The following JAM2 variants were observed in gnomAD, a reference collection of about 807,000 sequenced individuals.
The protein encoded by JAM2 is junctional adhesion molecule 2.
Under a neutral mutation model 42.0 loss-of-function variants are expected in JAM2, and 17 were observed. The observed-to-expected ratio is 0.40, with a 90% CI of 0.28 to 0.61. The LOEUF is 0.61. JAM2 is among the 20% of genes least tolerant of loss of function. The pLI is 0.37. For missense variants in JAM2, 319 were observed against 358.3 expected, an observed-to-expected ratio of 0.89 and a Z score of 0.89; for synonymous variants, 118 against 128.6, an observed-to-expected ratio of 0.92 and a Z score of 0.56.
chr21:25,648,808 TGGTACCTA>T (rs1386799936), intron 1 of JAM2, among the ~76,000 whole-genome samples: 1 of 152,248 alleles, frequency 6.6e-6, no homozygotes, highest in East Asian at 1.9e-4. Context: ...TTTAGGTCGT[TGGTACCTA>T]GAGTACTGCC....
chr21:25,693,976 C>A, intron 4 of JAM2, 68 bp downstream of exon 4: 1 of 1,476,936 alleles, frequency 6.8e-7, no homozygotes, highest in Non-Finnish European at 9.3e-7. Context: ...TGGGGGCAAG[C>A]AAGCACTGGT....
At chr21:25,707,429 C>T (rs2034294963) in intron 7 of JAM2, among the ~76,000 whole-genome samples, 1 of 152,006 alleles carries the variant, frequency 6.6e-6, no homozygotes, top group Non-Finnish European at 1.5e-5. Context: ...TTGCAGTGAG[C>T]CAAGATCATG....
Position 25,716,754 on chromosome 21 carries a change from T to A in JAM2, c.*2082T>A, listed in dbSNP as rs2034487829. ...CCCACAGGCATAGATTCCCAACTCA[T>A]GGTGGTGAAGTACAGAAAAAAACAC... On this transcript the variant is annotated 3_prime_UTR_variant, in exon 10 of 10. Transcript: ENST00000480456. 6.6e-6 allele frequency: 1 copy of A among 152,196 alleles called. No homozygotes were observed. Among genetic ancestry groups the A allele is most frequent in the Non-Finnish European group, 1.5e-5 (1 of 68,032 alleles). 9.4% of individuals were successfully genotyped at this position (152,196 alleles called of 1,614,324 possible). A position where few individuals can be genotyped will look rare whatever the true frequency, so the allele number is the denominator to read the frequency against.
Position 25,698,767 on chromosome 21 carries a change from C to T in JAM2, c.485C>T (p.Pro162Leu). The T allele has an allele frequency of 6.2e-7, 1 of 1,614,088 alleles. No homozygotes were observed. The highest frequency in any genetic ancestry group is 8.5e-7 in the Non-Finnish European group (1 of 1,180,002). ...ELRCQDKEGN[P>L]APEYTWFKDG... ...CGATGTCAAGACAAAGAAGGGAATC[C>T]AGCTCCTGAATACACATGGTTTAAG... The change falls in exon 5 of 10, where the codon CCA becomes CTA. Residue 162 changes from proline (P) to leucine (L), a missense_variant. Physicochemically the swap from Pro to Leu is moderately conservative, Grantham distance 98 (BLOSUM62 -3). Transcript: ENST00000480456.
intron 1 of JAM2, among the ~76,000 whole-genome samples, chr21:25,648,421 A>G (rs1034645219): frequency 1.1e-4 from 16 of 151,634 alleles, no homozygotes; most frequent in African/African-American, 3.6e-4. Context: ...TTGGATCCAG[A>G]ACAAGTCAGG....
In JAM2 at chr21:25,714,807, G is replaced by A; in HGVS notation, c.*135G>A. ...ATTGGTATTTCATTTTAATTTTCAT[G>A]ACTACTAACTCACCTGAACTTGCTA... On this transcript the variant is annotated 3_prime_UTR_variant, in exon 10 of 10. Coordinates refer to ENST00000480456, the MANE Select transcript of JAM2 (RefSeq NM_021219.4). The A allele has an allele frequency of 1.8e-6, 1 of 569,774 alleles. No homozygotes were observed. The highest frequency in any genetic ancestry group is 3.0e-6 in the Non-Finnish European group (1 of 328,924). 35.3% of individuals were successfully genotyped at this position (569,774 alleles called of 1,614,324 possible). A position where few individuals can be genotyped will look rare whatever the true frequency, so the allele number is the denominator to read the frequency against.
chr21:25,674,053 C>T (rs1169703878), intron 1 of JAM2, among the ~76,000 whole-genome samples: 2 of 152,188 alleles, frequency 1.3e-5, no homozygotes, highest in East Asian at 3.8e-4. Context: ...TGAGGCCTCC[C>T]CAGCCACATG....
chr21:25,653,687 C>CT (rs2032844274), intron 1 of JAM2, among the ~76,000 whole-genome samples: 1 of 152,178 alleles, frequency 6.6e-6, no homozygotes, highest in Non-Finnish European at 1.5e-5. Context: ...ATTGTTACCT[C>CT]TATCTCGTCT....
chr21:25,697,971 T>TCA (rs768892816), intron 4 of JAM2, among the ~76,000 whole-genome samples: 17 of 151,096 alleles, frequency 1.1e-4, no homozygotes, highest in African/African-American at 3.9e-4. Context: ...TCGCTCTCTC[T>TCA]CACACACACA....
At position 25,654,082 on chromosome 21, in the gene JAM2, C is replaced by G. The variant is rs1051593670; in HGVS notation, c.67+14194C>G. 4.1e-4 allele frequency among the ~76,000 whole-genome samples: 63 copies of G among 152,180 alleles called. 1 individual carries two copies. The highest frequency in any genetic ancestry group is 3.9e-3 in the Admixed American group (60 of 15,290). ...TTTGGCAATCAAAATAAATACTTAT[C>G]TTTATTCTGCTTTCTTTTAGGCATG... On this transcript the variant is annotated intron_variant, in intron 1 of 9. Coordinates refer to ENST00000480456, the MANE Select transcript of JAM2 (RefSeq NM_021219.4).
At chr21:25,682,197 G>A (rs1008943833) in intron 1 of JAM2, among the ~76,000 whole-genome samples, 85 of 152,290 alleles carry the variant, frequency 5.6e-4, no homozygotes, top group African/African-American at 1.9e-3. Context: ...TGCACTTGTA[G>A]CATTTATATT....
At position 25,702,285 on chromosome 21, in the gene JAM2, TG is replaced by T; in HGVS notation, c.697+19del. On this transcript the variant is annotated intron_variant, in intron 6 of 9. Coordinates refer to ENST00000480456, the MANE Select transcript of JAM2 (RefSeq NM_021219.4). ...ATGCAAGTAGGTAAGCATGAAATAT[TG>T]GGAGGAACAAATGGTTTGCAATTCG... 6.6e-7 allele frequency: 1 copy of T among 1,524,812 alleles called. No individual in the cohort carries two copies. The highest frequency in any genetic ancestry group is 1.2e-5 in the South Asian group (1 of 85,612). 94.5% of individuals were successfully genotyped at this position (1,524,812 alleles called of 1,614,324 possible).
rs563466102 is a variant in JAM2 at position 25,713,909 on chromosome 21, C to G, written c.865-731C>G. Among the ~76,000 whole-genome samples the G allele has an allele frequency of 5.3e-5, 8 of 152,338 alleles. No individual in the cohort carries two copies. In the South Asian group the frequency reaches 1.4e-3, roughly 28 times the overall value. The stretch of plus-strand genomic sequence containing the variant: ...TTTTCTTTGCCTTCCTCTCAGTTGC[C>G]CTTATCAACTAACAGCTAGAGTCCC... On this transcript the variant is annotated intron_variant, in intron 9 of 9. Transcript: ENST00000480456.
intron 1 of JAM2, among the ~76,000 whole-genome samples, chr21:25,679,892 G>C (rs1461735837): frequency 6.6e-6 from 1 of 152,084 alleles, no homozygotes; most frequent in Non-Finnish European, 1.5e-5. Flanking sequence ...TAACTATGTG[G>C]GCTTCAGGTA....
Position 25,698,707 on chromosome 21 carries a change from C to T in JAM2, c.425C>T (p.Pro142Leu), listed in dbSNP as rs2034094469. 5.0e-6 allele frequency: 8 copies of T among 1,613,862 alleles called. No individual in the cohort carries two copies. The highest frequency in any genetic ancestry group is 1.3e-5 in the African/African-American group (1 of 74,860). ...CCAGCAGTTCCATCATGTGAAGTAC[C>T]CTCTTCTGCTCTGAGTGGAACTGTG... is the stretch of plus-strand genomic sequence containing the variant. Reference protein sequence around the residue: ...VAPAVPSCEVPSSALSGTVVE... With the variant: ...VAPAVPSCEVLSSALSGTVVE... The change falls in exon 5 of 10, where the codon CCC becomes CTC. Residue 142 changes from proline (P) to leucine (L), a missense_variant. Coordinates refer to ENST00000480456, the MANE Select transcript of JAM2 (RefSeq NM_021219.4).
intron 6 of JAM2, among the ~76,000 whole-genome samples, chr21:25,704,078 G>A (rs1393073726): frequency 6.7e-6 from 1 of 150,250 alleles, no homozygotes; most frequent in East Asian, 1.9e-4. Flanking sequence ...TTTTTTGTCA[G>A]ATAATAGCCC....
chr21:25,712,313 A>G, intron 8 of JAM2, 27 bp from the exon 9 acceptor site: 1 of 1,509,996 alleles, frequency 6.6e-7, no homozygotes, highest in Non-Finnish European at 9.2e-7. Flanking sequence ...AATGTAGTAA[A>G]TATTGTCTTT....
At chr21:25,689,194 C>T (rs545657390) in intron 2 of JAM2, among the ~76,000 whole-genome samples, 5 of 152,224 alleles carry the variant, frequency 3.3e-5, no homozygotes, top group Admixed American at 6.5e-5. Context: ...ATTATCTGGA[C>T]TGAGGCAAGG....
chr21:25,674,407 A>G (rs8128619), intron 1 of JAM2, among the ~76,000 whole-genome samples: 29,525 of 152,074 alleles, frequency 0.19, 3,693 homozygotes, highest in Non-Finnish European at 0.27. Context: ...AAAATAAAAT[A>G]AAATAAAAAA....
Sources: allele counts gnomAD v4.1 joint callset (sites outside exome capture counted in the v4.1 genomes callset), GRCh38; gene constraint gnomAD v4.1.1; transcripts MANE v1.5; gene names NCBI Gene and HGNC (gene_info 2026-07-23, HGNC 2026-07-21).